ABL2: variants seen among roughly 807,000 people sequenced by gnomAD.
ABL2 encodes the protein ABL proto-oncogene 2, non-receptor tyrosine kinase.
A neutral mutation model predicts 107.7 loss-of-function variants in ABL2; 49 were observed. The ratio of observed to expected loss-of-function variants is 0.45; its 90% CI spans 0.36 to 0.58. The LOEUF is 0.58. Among genes scored for constraint, ABL2 ranks in the 20% least tolerant of loss-of-function variants. ABL2 has a pLI of 0.00. For synonymous variants in ABL2, 549 were observed against 548.6 expected (o/e 1.00, Z -0.01); for missense variants, 1,245 against 1,457.0 (o/e 0.85, Z 2.37).
rs1653155844 is a variant in ABL2 at position 179,102,197 on chromosome 1, G to T, written c.*5521C>A. Reference sequence around the variant, plus strand: ...CAGCTAAGTTTTTGTATTTTTAGTAGAGGTGGGGTTTCACCGTGTTAGCCA... The same window carrying T: ...CAGCTAAGTTTTTGTATTTTTAGTATAGGTGGGGTTTCACCGTGTTAGCCA... On this transcript the variant is annotated 3_prime_UTR_variant, in exon 12 of 12. Coordinates refer to ENST00000502732, the MANE Select transcript of ABL2 (RefSeq NM_007314.4). 5.9e-6 allele frequency: 1 copy of T among 169,640 alleles called. No homozygotes were observed. The allele number at this position is 169,640 out of a possible 1,614,324, so 10.5% of individuals were successfully genotyped here.
intron 1 of ABL2, among the ~76,000 whole-genome samples, chr1:179,146,471 G>T (rs534969899): frequency 2.0e-5 from 3 of 152,082 alleles, no homozygotes; most frequent in Admixed American, 6.6e-5. Context: ...AGTGTTTCAG[G>T]TTTAAAATTT....
At chr1:179,117,695 C>T (rs1654783860) in intron 7 of ABL2, among the ~76,000 whole-genome samples, 179 bp from the exon 8 acceptor site, 1 of 152,172 alleles carries the variant, frequency 6.6e-6, no homozygotes, top group South Asian at 2.1e-4. Context: ...CTGTAGAGCA[C>T]TCATCAAGAT....
At chr1:179,206,976 G>C (rs1460764147) in intron 1 of ABL2, among the ~76,000 whole-genome samples, 8 of 152,126 alleles carry the variant, frequency 5.3e-5, no homozygotes, top group African/African-American at 1.9e-4. Flanking sequence ...GCCAAACCTT[G>C]CAGTTCCTGA....
Position 179,110,379 on chromosome 1 carries a change from A to T in ABL2, c.1728T>A (p.Pro576=). ...GTTTCTTCAGTGTCCGAGTCTTGGA[A>T]GGAAGTATAGGTAGCCGGGGCAGGT... ...VPYLPRLPIL[P]SKTRTLKKQV... is the part of the protein sequence containing the mutation. Residue 576 remains proline (P), a synonymous_variant, in exon 11 of 12, where the codon CCT becomes CCA. Coordinates refer to ENST00000502732, the MANE Select transcript of ABL2 (RefSeq NM_007314.4). 1 of 1,614,206 alleles carries T rather than the reference A, an allele frequency of 6.2e-7. No homozygotes were observed. The highest frequency in any genetic ancestry group is 8.5e-7 in the Non-Finnish European group (1 of 1,180,040).
chr1:179,156,804 G>A (rs1658717967), intron 1 of ABL2, among the ~76,000 whole-genome samples: 1 of 151,854 alleles, frequency 6.6e-6, no homozygotes, highest in South Asian at 2.1e-4. Flanking sequence ...CGTGAACCAG[G>A]GAAACAGAGG....
chr1:179,113,382 A>G (rs1654291896), intron 9 of ABL2, among the ~76,000 whole-genome samples: 2 of 152,352 alleles, frequency 1.3e-5, no homozygotes, highest in South Asian at 4.1e-4. Context: ...CATATAATCA[A>G]CTGTATACAT....
At chr1:179,112,120 GAT>G (rs1268760707) in intron 10 of ABL2, among the ~76,000 whole-genome samples, 187 bp downstream of exon 10, 3 of 151,722 alleles carry the variant, frequency 2.0e-5, no homozygotes, top group Admixed American at 6.6e-5. Context: ...CAGTCCACTA[GAT>G]ATATAAGTTG....
chr1:179,187,698 C>T (rs552179648), intron 1 of ABL2, among the ~76,000 whole-genome samples: 1 of 152,158 alleles, frequency 6.6e-6, no homozygotes, highest in South Asian at 2.1e-4. Context: ...TTACTTCTTA[C>T]CTCCATTCCT....
At chr1:179,113,769 A>C (rs747404049) in intron 9 of ABL2, among the ~76,000 whole-genome samples, 18 of 152,004 alleles carry the variant, frequency 1.2e-4, no homozygotes, top group Non-Finnish European at 1.6e-4. Context: ...TCTACTAAAA[A>C]ATGCAAAAAA....
intron 6 of ABL2, 99 bp from the exon 7 acceptor site, chr1:179,118,863 CG>C (rs1377240027): frequency 7.8e-7 from 1 of 1,285,460 alleles, no homozygotes; most frequent in Non-Finnish European, 1.1e-6. Flanking sequence ...AGGTCTAGTT[CG>C]GCAATAATCT....
In ABL2 at chr1:179,105,382, G is replaced by A. The variant is rs1395851483; in HGVS notation, c.*2336C>T. ...TTAACTTGCATCCCACAACAACAGG[G>A]ATAAACCTAAAAAGCAGCATAATAA... On this transcript the variant is annotated 3_prime_UTR_variant, in exon 12 of 12. Coordinates refer to ENST00000502732, the MANE Select transcript of ABL2 (RefSeq NM_007314.4). 1 of 231,496 alleles carries A rather than the reference G, an allele frequency of 4.3e-6. No individual in the cohort carries two copies. Among genetic ancestry groups the A allele is most frequent in the Non-Finnish European group, 8.5e-6 (1 of 117,028 alleles). 14.3% of individuals were successfully genotyped at this position (231,496 alleles called of 1,614,324 possible).
In ABL2 at chr1:179,107,442, C is replaced by G. The variant is rs749292492; in HGVS notation, c.*276G>C. The G allele has an allele frequency of 1.1e-5, 5 of 446,252 alleles. No homozygotes were observed. The highest frequency in any genetic ancestry group is 1.5e-5 in the Non-Finnish European group (4 of 263,350). 27.6% of individuals were successfully genotyped at this position (446,252 alleles called of 1,614,324 possible). A position where few individuals can be genotyped will look rare whatever the true frequency, so the allele number is the denominator to read the frequency against. On this transcript the variant is annotated 3_prime_UTR_variant, in exon 12 of 12. Transcript: ENST00000502732. ...GGTAGGGATGGGCTGCATTGCCTTC[C>G]TTATGACATACACATGTTCCCTATT...
chr1:179,130,672 C>T (rs1656207783), intron 3 of ABL2, among the ~76,000 whole-genome samples: 1 of 150,628 alleles, frequency 6.6e-6, no homozygotes, highest in African/African-American at 2.5e-5. Context: ...GTGGGAAATT[C>T]TTATAAAAGG....
intron 1 of ABL2, among the ~76,000 whole-genome samples, chr1:179,148,801 G>A (rs1182210072): frequency 2.0e-5 from 3 of 151,474 alleles, no homozygotes; most frequent in African/African-American, 7.3e-5. Flanking sequence ...TCAGGAGGCT[G>A]AGGCAGTAGA....
At chr1:179,148,915 GAA>G (rs34992088) in intron 1 of ABL2, among the ~76,000 whole-genome samples, 14 of 132,390 alleles carry the variant, frequency 1.1e-4, no homozygotes, top group East Asian at 4.3e-4. Flanking sequence ...AAAAAAAAAG[GAA>G]AAAAAAAAAA....
chr1:179,229,174 CCCACCCCGCCCCG>C, intron 1 of ABL2, 54 bp downstream of exon 1: 1 of 310,148 alleles, frequency 3.2e-6, no homozygotes, highest in Non-Finnish European at 6.5e-6. Context: ...CCGTCCGCCA[CCCACCCCGCCCCG>C]ACCCCACCCC....
intron 3 of ABL2, among the ~76,000 whole-genome samples, chr1:179,130,432 T>TA (rs1656180397): frequency 6.6e-6 from 1 of 152,240 alleles, no homozygotes; most frequent in African/African-American, 2.4e-5. Flanking sequence ...TTAGTTCAGC[T>TA]AATAGTTTTA....
Position 179,108,486 on chromosome 1 carries a change from G to T in ABL2, c.2781C>A (p.His927Gln), listed in dbSNP as rs1169549460. Residue 927 changes from histidine to glutamine, a missense_variant, in exon 12 of 12, where the codon CAC becomes CAA. By Grantham distance (24) the His-to-Gln change is conservative (BLOSUM62 0). Around this residue, in one of 3 missense-constraint regions of ABL2, gnomAD observed 761 missense variants for 766.4 expected, o/e 0.99. Transcript: ENST00000502732. ...AGATAAGGACTGGCACTTTGTGGTT[G>T]TGAGTGGTTGGGAGGACGGGGGCAG... The part of the protein sequence containing the change: ...AKAAPVLPTT[H>Q]NHKVPVLISP... 2.5e-6 allele frequency: 4 copies of T among 1,614,106 alleles called. No homozygotes were observed. In the East Asian group the frequency reaches 8.9e-5, roughly 36 times the overall value.
At chr1:179,204,017 C>CATTT (rs28991601) in intron 1 of ABL2, among the ~76,000 whole-genome samples, 2,138 of 151,944 alleles carry the variant, frequency 0.014, 14 homozygotes, top group South Asian at 0.047. Flanking sequence ...AAAATATTTC[C>CATTT]ATTTATTTAT....
Sources: allele counts gnomAD v4.1 joint callset (sites outside exome capture counted in the v4.1 genomes callset), GRCh38; gene constraint gnomAD v4.1.1; regional missense constraint gnomAD v4.1.1; transcripts MANE v1.5; gene names NCBI Gene and HGNC (gene_info 2026-07-23, HGNC 2026-07-21).